Variants in RAPGEF5 observed in about 807,000 individuals in gnomAD.
The protein encoded by RAPGEF5 is M-Ras-regulated GEF.
A neutral mutation model predicts 125.2 loss-of-function variants in RAPGEF5; 65 were observed. The observed-to-expected ratio is 0.52, with a 90% CI of 0.43 to 0.64. RAPGEF5 has a LOEUF of 0.64. Ranked by LOEUF, RAPGEF5 falls within the 30% of genes least tolerant of loss-of-function variation. The probability of loss-of-function intolerance (pLI) is 0.00; values close to 1 mark genes in which losing one functional copy is unlikely to be tolerated. For synonymous variants in RAPGEF5, 391 were observed against 385.9 expected, an observed-to-expected ratio of 1.01 and a Z score of -0.16; for missense variants, 958 against 1,048.1, an observed-to-expected ratio of 0.91 and a Z score of 1.19.
chr7:22,252,350 A>G (rs1474659450), intron 7 of RAPGEF5, among the ~76,000 whole-genome samples: 1 of 152,188 alleles, frequency 6.6e-6, no homozygotes, highest in African/African-American at 2.4e-5. Context: ...CAGCAATTCA[A>G]TTAGCTTTGT....
At chr7:22,197,604 T>C (rs1785176316) in intron 9 of RAPGEF5, among the ~76,000 whole-genome samples, 1 of 152,186 alleles carries the variant, frequency 6.6e-6, no homozygotes, top group African/African-American at 2.4e-5. Flanking sequence ...TTTGATCTTG[T>C]TGGCCCTTCT....
rs1212065767 is a variant in RAPGEF5, at chr7:22,120,303, G to C, written c.*2103C>G. ...TACCACATTTGTGTAGCTTCATCTG[G>C]CTTGGTGGGCATATCTGACTTGGGG... On this transcript the variant is annotated 3_prime_UTR_variant, in exon 26 of 26. Transcript: ENST00000665637. The surrounding 1 kb of genome is among the most constrained non-coding windows in gnomAD (Gnocchi z 4.0). 6.6e-6 allele frequency: 1 copy of C among 152,188 alleles called. No individual in the cohort carries two copies. Among genetic ancestry groups the C allele is most frequent in the African/African-American group, 2.4e-5 (1 of 41,432 alleles). The allele number at this position is 152,188 out of a possible 1,614,324, so 9.4% of individuals were successfully genotyped here.
chr7:22,196,210 A>C (rs1328479207), intron 9 of RAPGEF5, among the ~76,000 whole-genome samples: 1 of 152,230 alleles, frequency 6.6e-6, no homozygotes, highest in Non-Finnish European at 1.5e-5. Context: ...ATAAAAATGT[A>C]ATAATCCTAC....
chr7:22,252,689 G>T (rs1786654330), intron 7 of RAPGEF5, among the ~76,000 whole-genome samples: 1 of 152,090 alleles, frequency 6.6e-6, no homozygotes, highest in Non-Finnish European at 1.5e-5. Flanking sequence ...CCATTGAATG[G>T]TTATTTATCA....
At position 22,121,604 on chromosome 7, in the gene RAPGEF5, T is replaced by C. The variant is rs922474620; in HGVS notation, c.*802A>G. ...TTTTTCAAAATCATATTATGTCCAA[T>C]AAAAGATAAGAGCCTGCTTAGAAGT... On this transcript the variant is annotated 3_prime_UTR_variant, in exon 26 of 26. Transcript: ENST00000665637. 1 of 152,124 alleles carries C rather than the reference T, an allele frequency of 6.6e-6. No individual in the cohort carries two copies. The highest frequency in any genetic ancestry group is 2.4e-5 in the African/African-American group (1 of 41,444). 9.4% of individuals were successfully genotyped at this position (152,124 alleles called of 1,614,324 possible). A position where few individuals can be genotyped will look rare whatever the true frequency, so the allele number is the denominator to read the frequency against.
chr7:22,289,568 C>A (rs1562510538), intron 6 of RAPGEF5, among the ~76,000 whole-genome samples: 1 of 152,190 alleles, frequency 6.6e-6, no homozygotes, highest in Non-Finnish European at 1.5e-5. Context: ...AAACAGATGG[C>A]TAATTATAAT....
intron 6 of RAPGEF5, among the ~76,000 whole-genome samples, chr7:22,284,683 C>T (rs1782755784): frequency 6.6e-6 from 1 of 152,146 alleles, no homozygotes; most frequent in South Asian, 2.1e-4. Context: ...GAAGGCTTGT[C>T]ATTCACTGGG....
chr7:22,134,517 T>TG (rs1351398724), intron 23 of RAPGEF5, among the ~76,000 whole-genome samples: 11 of 152,256 alleles, frequency 7.2e-5, no homozygotes, highest in African/African-American at 1.4e-4. Flanking sequence ...TTAAATATTT[T>TG]GGGGGGGAAA....
At chr7:22,354,003 G>T (rs564510396) in intron 1 of RAPGEF5, among the ~76,000 whole-genome samples, 16 of 152,216 alleles carry the variant, frequency 1.1e-4, no homozygotes, top group African/African-American at 2.4e-4. Context: ...CCAGAAGGTC[G>T]AGGCTATAGT....
chr7:22,337,022 T>G (rs1333456036), intron 1 of RAPGEF5, among the ~76,000 whole-genome samples: 1 of 152,192 alleles, frequency 6.6e-6, no homozygotes, highest in South Asian at 2.1e-4. Context: ...ATGTTCATCT[T>G]GCCTGCTGCC....
intron 7 of RAPGEF5, among the ~76,000 whole-genome samples, chr7:22,247,381 C>G (rs775976823): frequency 1.3e-5 from 2 of 152,196 alleles, no homozygotes; most frequent in Non-Finnish European, 1.5e-5. Flanking sequence ...CCATAATCCC[C>G]TCGTGTCATG....
chr7:22,314,563 G>C (rs1783548086), intron 3 of RAPGEF5: 1 of 891,106 alleles, frequency 1.1e-6, no homozygotes, highest in African/African-American at 1.8e-5. Flanking sequence ...TTTATTCTGA[G>C]AACTTCCTAC....
In RAPGEF5 at chr7:22,197,893, T is replaced by TGGA. The variant is rs1554327472; in HGVS notation, c.997-3861_997-3860insTCC. ...ATTAAATCTCTTTTTTCTTTTTTTT[T>TGGA]GGGGGGGGGTGGTAGGAGGACATTC... is the stretch of plus-strand genomic sequence containing the variant. On this transcript the variant is annotated intron_variant, in intron 9 of 25. Coordinates refer to ENST00000665637, the MANE Select transcript of RAPGEF5 (RefSeq NM_012294.5). Among the ~76,000 whole-genome samples the TGGA allele has an allele frequency of 4.5e-3, 526 of 116,358 alleles. 10 individuals carry two copies. The highest frequency in any genetic ancestry group is 6.4e-3 in the Admixed American group (75 of 11,702). The allele number at this position is 116,358 out of a possible 152,430, so 76.3% of individuals were successfully genotyped here. A position where few individuals can be genotyped will look rare whatever the true frequency, so the allele number is the denominator to read the frequency against.
chr7:22,317,442 G>A lies in RAPGEF5; in HGVS notation c.282+545C>T, dbSNP rs1235991829. On this transcript the variant is annotated intron_variant, in intron 2 of 25. Transcript: ENST00000665637. ...TTTTCAGTAGAGATGGGGTTTCACC[G>A]TGTTGGCCAGGATGGTCTCAATCTC... Among the ~76,000 whole-genome samples the A allele has an allele frequency of 2.0e-5, 3 of 151,760 alleles. No individual in the cohort carries two copies. In the South Asian group the frequency reaches 6.2e-4, roughly 32 times the overall value.
At chr7:22,304,878 A>G (rs376140429) in intron 5 of RAPGEF5, among the ~76,000 whole-genome samples, 155 of 152,340 alleles carry the variant, frequency 1.0e-3, no homozygotes, top group African/African-American at 3.6e-3. Context: ...GACATTTCCT[A>G]GAGTGAGACC....
At chr7:22,230,988 A>G (rs1786042315) in intron 7 of RAPGEF5, 69 bp from the exon 8 acceptor site, 8 of 1,413,696 alleles carry the variant, frequency 5.7e-6, no homozygotes, top group Non-Finnish European at 7.8e-6. Flanking sequence ...ATTTTCTTTC[A>G]GATCGCAATT....
At chr7:22,190,647 A>G (rs558874604) in intron 11 of RAPGEF5, among the ~76,000 whole-genome samples, 89 of 152,346 alleles carry the variant, frequency 5.8e-4, no homozygotes, top group Admixed American at 9.1e-4. Flanking sequence ...AACATCAATC[A>G]GTAATCACTT....
chr7:22,214,074 G>A lies in RAPGEF5; in HGVS notation c.996+5792C>T, dbSNP rs146208844. 5.9e-5 allele frequency among the ~76,000 whole-genome samples: 9 copies of A among 152,240 alleles called. No homozygotes were observed. The South Asian group carries it at 8.3e-4, about 14-fold the overall frequency. ...AATACTCCAAACCACTTCTCCCCTCGTAATCCTTAAACAAGGAACCTTTGA... is the reference window on the plus strand; with the variant it reads ...AATACTCCAAACCACTTCTCCCCTCATAATCCTTAAACAAGGAACCTTTGA... On this transcript the variant is annotated intron_variant, in intron 9 of 25. Transcript: ENST00000665637.
intron 20 of RAPGEF5, among the ~76,000 whole-genome samples, chr7:22,143,376 G>A (rs1253068235): frequency 6.6e-6 from 1 of 152,080 alleles, no homozygotes; most frequent in Non-Finnish European, 1.5e-5. Context: ...GCTAGTTTCA[G>A]ACCAACCTTC....
Sources: gnomAD v4.1 joint callset for allele counts (sites outside exome capture counted in the v4.1 genomes callset) on GRCh38, gnomAD v4.1.1 for gene constraint, Gnocchi (gnomAD v3.1) non-coding constraint, MANE v1.5 for transcripts, NCBI Gene and HGNC (gene_info 2026-07-23, HGNC 2026-07-21) for gene names.